Variants in WSCD2 observed in about 807,000 individuals in gnomAD.
WSCD2 encodes sialate:O-sulfotransferase 2.
Under a neutral mutation model 55.7 loss-of-function variants are expected in WSCD2, and 28 were observed. The observed-to-expected ratio is 0.50, with a 90% CI of 0.37 to 0.69. The LOEUF is 0.69. Among genes scored for constraint, WSCD2 ranks in the 30% least tolerant of loss-of-function variants. The probability of loss-of-function intolerance (pLI) is 0.00; values close to 1 mark genes in which losing one functional copy is unlikely to be tolerated. For missense variants in WSCD2, 616 were observed against 762.1 expected (o/e 0.81, Z 2.26); for synonymous variants, 301 against 301.9 (o/e 1.00, Z 0.03).
At chr12:108,224,955 G>T (rs1406117966) in intron 5 of WSCD2, 95 bp downstream of exon 5, 2 of 1,529,514 alleles carry the variant, frequency 1.3e-6, no homozygotes, top group Non-Finnish European at 1.8e-6. Context: ...CAACAGCTCA[G>T]TCGGGATAGA....
intron 1 of WSCD2, among the ~76,000 whole-genome samples, chr12:108,161,044 G>T (rs901424102): frequency 2.6e-5 from 4 of 152,214 alleles, no homozygotes; most frequent in African/African-American, 7.2e-5. Flanking sequence ...TAGAGAGAAT[G>T]AAATTTGGAA....
At chr12:108,147,633 T>G (rs1877539256) in intron 1 of WSCD2, among the ~76,000 whole-genome samples, 1 of 151,960 alleles carries the variant, frequency 6.6e-6, no homozygotes, top group African/African-American at 2.4e-5. Flanking sequence ...TTCCAGCACT[T>G]TGGGAGGCTG....
At chr12:108,183,067 C>G (rs1367850951) in intron 1 of WSCD2, among the ~76,000 whole-genome samples, 1 of 152,172 alleles carries the variant, frequency 6.6e-6, no homozygotes, top group Non-Finnish European at 1.5e-5. Flanking sequence ...GCCAGGGATG[C>G]TATCAACCAC....
At chr12:108,198,535 AAAC>A (rs1468442935) in intron 2 of WSCD2, among the ~76,000 whole-genome samples, 1 of 152,354 alleles carries the variant, frequency 6.6e-6, no homozygotes, top group East Asian at 1.9e-4. Context: ...GGTGATACAG[AAAC>A]AACAACGTCT....
chr12:108,246,695 A>G (rs1451918090), intron 8 of WSCD2, among the ~76,000 whole-genome samples: 1 of 152,202 alleles, frequency 6.6e-6, no homozygotes, highest in African/African-American at 2.4e-5. Context: ...TCACCATGAC[A>G]CTTCCATGAA....
intron 1 of WSCD2, among the ~76,000 whole-genome samples, chr12:108,175,246 A>G (rs1424064754): frequency 1.3e-5 from 2 of 152,186 alleles, no homozygotes; most frequent in African/African-American, 4.8e-5. Context: ...TCCCCTCATC[A>G]AAGAAGCACC....
chr12:108,235,953 C>A (rs75466617), intron 7 of WSCD2, among the ~76,000 whole-genome samples: 1 of 152,302 alleles, frequency 6.6e-6, no homozygotes, highest in Non-Finnish European at 1.5e-5. Flanking sequence ...CAGTCTCTCC[C>A]CACATCACCT....
chr12:108,194,189 G>C (rs895954083), intron 1 of WSCD2, among the ~76,000 whole-genome samples: 1 of 152,200 alleles, frequency 6.6e-6, no homozygotes, highest in Non-Finnish European at 1.5e-5. Context: ...AGAGCACCTG[G>C]TTACAGATGT....
At chr12:108,139,861 A>G (rs1383092426) in intron 1 of WSCD2, among the ~76,000 whole-genome samples, 1 of 152,196 alleles carries the variant, frequency 6.6e-6, no homozygotes, top group Non-Finnish European at 1.5e-5. Flanking sequence ...GCCAGTGGCG[A>G]GTGAGCAGGA....
chr12:108,152,497 A>G (rs1356431085), intron 1 of WSCD2, among the ~76,000 whole-genome samples: 4 of 152,140 alleles, frequency 2.6e-5, no homozygotes, highest in Non-Finnish European at 5.9e-5. Flanking sequence ...ATGCTGTGTA[A>G]TTCAGCCCTG....
chr12:108,208,606 A>G (rs1885728210), intron 3 of WSCD2, among the ~76,000 whole-genome samples: 1 of 152,210 alleles, frequency 6.6e-6, no homozygotes, highest in Non-Finnish European at 1.5e-5. Flanking sequence ...TGAAACACTC[A>G]GGGTGCTCAG....
rs756298878 is a variant in WSCD2, at chr12:108,240,480, T to A, written c.1281T>A (p.Ala427=). ...LIRNPYKALM[A]EFNRKYGGHI... is the part of the protein sequence containing the mutation. ...GCAACCCCTACAAAGCCCTCATGGC[T>A]GAGTTCAACCGCAAGTACGGCGGCC... Residue 427 remains alanine, a synonymous_variant, in exon 8 of 9, where the codon GCT becomes GCA. Coordinates refer to ENST00000547525, the MANE Select transcript of WSCD2 (RefSeq NM_014653.4). 8.1e-6 allele frequency: 13 copies of A among 1,613,610 alleles called. No homozygotes were observed. The highest frequency in any genetic ancestry group is 1.6e-4 in the Middle Eastern group (1 of 6,082).
chr12:108,181,203 C>A (rs1565940157), intron 1 of WSCD2, among the ~76,000 whole-genome samples: 1 of 152,214 alleles, frequency 6.6e-6, no homozygotes, highest in Non-Finnish European at 1.5e-5. Flanking sequence ...AACCCTCGTG[C>A]CTTGCTCTTC....
chr12:108,240,155 TG>T (rs905987072), intron 7 of WSCD2, among the ~76,000 whole-genome samples, 188 bp from the exon 8 acceptor site: 10 of 152,384 alleles, frequency 6.6e-5, no homozygotes, highest in African/African-American at 2.4e-4. Context: ...GACCCGTGAA[TG>T]TTTTTGTAAG....
At chr12:108,190,346 T>C (rs532247973) in intron 1 of WSCD2, among the ~76,000 whole-genome samples, 2 of 152,276 alleles carry the variant, frequency 1.3e-5, no homozygotes, top group East Asian at 3.9e-4. Flanking sequence ...GATTTCTCAA[T>C]AGCTATTTCT....
chr12:108,227,752 T>TGATGAC (rs1482699643), intron 6 of WSCD2, among the ~76,000 whole-genome samples: 11 of 150,886 alleles, frequency 7.3e-5, no homozygotes, highest in African/African-American at 2.7e-4. Context: ...ATGATGATGA[T>TGATGAC]GGTGATGATT....
Position 108,248,015 on chromosome 12 carries a change from A to G in WSCD2, c.1370A>G (p.Tyr457Cys), listed in dbSNP as rs1237279168. ...GKEWPEFVRN[Y>C]APWWATHTLD... ...GAGTGGCCAGAGTTCGTGAGGAACT[A>G]TGCCCCGTGGTGGGCCACTCACACA... is the stretch of plus-strand genomic sequence containing the variant. Residue 457 changes from tyrosine (Y) to cysteine (C), a missense_variant, in exon 9 of 9, where the codon TAT becomes TGT. Tyr to Cys is a radical substitution (Grantham distance 194, BLOSUM62 -2). Coordinates refer to ENST00000547525, the MANE Select transcript of WSCD2 (RefSeq NM_014653.4). The surrounding 1 kb of genome is among the most constrained non-coding windows in gnomAD (Gnocchi z 4.3). The G allele has an allele frequency of 1.2e-6, 2 of 1,613,800 alleles. No homozygotes were observed. The highest frequency in any genetic ancestry group is 1.7e-5 in the Admixed American group (1 of 59,998).
chr12:108,159,921 G>C (rs1878891621), intron 1 of WSCD2, among the ~76,000 whole-genome samples: 1 of 152,198 alleles, frequency 6.6e-6, no homozygotes, highest in African/African-American at 2.4e-5. Flanking sequence ...TGGCTGTGAG[G>C]GCTCCTGAGG....
chr12:108,206,544 T>C (rs1885401253), intron 3 of WSCD2, 141 bp downstream of exon 3: 1 of 754,036 alleles, frequency 1.3e-6, no homozygotes, highest in Non-Finnish European at 2.2e-6. Context: ...CAAGGGTGTG[T>C]GTGCATTGTG....
Sources: allele counts gnomAD v4.1 joint callset (sites outside exome capture counted in the v4.1 genomes callset), GRCh38; gene constraint gnomAD v4.1.1; non-coding constraint Gnocchi (gnomAD v3.1); transcripts MANE v1.5; gene names NCBI Gene and HGNC (gene_info 2026-07-23, HGNC 2026-07-21).